The following ACVR1C variants were observed in gnomAD, a reference collection of about 807,000 sequenced individuals.
The protein encoded by ACVR1C is activin A receptor type 1C.
ACVR1C carries 23 observed loss-of-function variants against 57.9 expected under a neutral mutation model. The observed-to-expected ratio is 0.40, with a 90% CI of 0.29 to 0.56. The LOEUF (loss-of-function observed/expected upper bound fraction) is 0.56, where lower values mean the gene tolerates loss of function less well. Among genes scored for constraint, ACVR1C ranks in the 20% least tolerant of loss-of-function variants. ACVR1C has a pLI of 0.50. For synonymous variants in ACVR1C, 214 were observed against 215.3 expected (o/e 0.99, Z 0.05); for missense variants, 480 against 607.9 (o/e 0.79, Z 2.21).
chr2:157,576,980 C>G lies in ACVR1C; in HGVS notation c.304+10207G>C, dbSNP rs1157465444. On this transcript the variant is annotated intron_variant, in intron 2 of 8. Coordinates refer to ENST00000243349, the MANE Select transcript of ACVR1C (RefSeq NM_145259.3). Reference sequence around the variant, plus strand: ...CGCCATTCTCCTGCCTCAGCCTCCCCAGTAGCTGGGACTACAGGCGCCCGC... The same window carrying G: ...CGCCATTCTCCTGCCTCAGCCTCCCGAGTAGCTGGGACTACAGGCGCCCGC... Among the ~76,000 whole-genome samples, 41 of 96,762 alleles carry G rather than the reference C, an allele frequency of 4.2e-4. 9 individuals carry two copies. The highest frequency in any genetic ancestry group is 5.4e-4 in the Non-Finnish European group (25 of 46,152). 63.5% of individuals were successfully genotyped at this position (96,762 alleles called of 152,430 possible). A position where few individuals can be genotyped will look rare whatever the true frequency, so the allele number is the denominator to read the frequency against.
At chr2:157,548,000 G>A (rs143542569) in intron 4 of ACVR1C, among the ~76,000 whole-genome samples, 1,691 of 152,180 alleles carry the variant, frequency 0.011, 21 homozygotes, top group Non-Finnish European at 0.018. Flanking sequence ...TTTGTATAAG[G>A]TGTAAGGAAG....
chr2:157,628,479 G>C (rs1682953840), intron 1 of ACVR1C, 93 bp downstream of exon 1: 4 of 1,414,284 alleles, frequency 2.8e-6, no homozygotes, highest in Non-Finnish European at 3.9e-6. Flanking sequence ...CAGTTTGCTC[G>C]GAGCACCCCC....
intron 6 of ACVR1C, among the ~76,000 whole-genome samples, chr2:157,542,193 A>G (rs1223335715): frequency 6.6e-6 from 1 of 152,176 alleles, no homozygotes; most frequent in Non-Finnish European, 1.5e-5. Flanking sequence ...GGTAATACAT[A>G]AATTGTTATA....
rs1573931856 is a variant in ACVR1C at position 157,577,012 on chromosome 2, G to A, written c.304+10175C>T. ...TGGGACTACAGGCGCCCGCCACCGC[G>A]CCCGGCTAATTTTTTGTATTTTTTA... On this transcript the variant is annotated intron_variant, in intron 2 of 8. Coordinates refer to ENST00000243349, the MANE Select transcript of ACVR1C (RefSeq NM_145259.3). Among the ~76,000 whole-genome samples the A allele has an allele frequency of 3.2e-5, 3 of 95,064 alleles. No individual in the cohort carries two copies. The East Asian group carries it at 7.4e-4, about 23-fold the overall frequency. 62.4% of individuals were successfully genotyped at this position (95,064 alleles called of 152,430 possible).
chr2:157,625,354 C>A (rs1682872263), intron 1 of ACVR1C, among the ~76,000 whole-genome samples: 1 of 152,152 alleles, frequency 6.6e-6, no homozygotes, highest in African/African-American at 2.4e-5. Context: ...ATGAGTTTAG[C>A]AATTCAGAGG....
chr2:157,621,846 G>A (rs1682779757), intron 1 of ACVR1C, among the ~76,000 whole-genome samples: 1 of 152,164 alleles, frequency 6.6e-6, no homozygotes, highest in Non-Finnish European at 1.5e-5. Flanking sequence ...TCCAGGGTTC[G>A]GGTTTATCAC....
chr2:157,590,618 G>A (rs1282992721), intron 1 of ACVR1C, among the ~76,000 whole-genome samples: 1 of 151,796 alleles, frequency 6.6e-6, no homozygotes, highest in Admixed American at 6.6e-5. Context: ...TATTCTAGTG[G>A]TGACCAACAT....
intron 1 of ACVR1C, among the ~76,000 whole-genome samples, chr2:157,596,917 T>C (rs1573945132): frequency 6.6e-6 from 1 of 152,246 alleles, no homozygotes; most frequent in East Asian, 1.9e-4. Flanking sequence ...GACAGTGTGG[T>C]AAACTGAGTC....
intron 1 of ACVR1C, among the ~76,000 whole-genome samples, chr2:157,604,319 T>C (rs747588585): frequency 6.6e-6 from 1 of 152,062 alleles, no homozygotes; most frequent in Non-Finnish European, 1.5e-5. Flanking sequence ...TGATATTTTC[T>C]TTTCCTATAC....
intron 2 of ACVR1C, among the ~76,000 whole-genome samples, chr2:157,583,758 T>C (rs931987695): frequency 6.6e-6 from 1 of 152,038 alleles, no homozygotes. Flanking sequence ...CATAACTCAA[T>C]GAGTAAAGAA....
intron 2 of ACVR1C, among the ~76,000 whole-genome samples, chr2:157,565,448 C>T (rs1375239062): frequency 2.6e-5 from 4 of 152,122 alleles, no homozygotes; most frequent in Non-Finnish European, 2.9e-5. Flanking sequence ...CAAGTTAATT[C>T]GCTTAGATCC....
rs1687404430 is a variant in ACVR1C, at chr2:157,533,351, C to A, written c.*567G>T. The A allele has an allele frequency of 6.6e-6, 1 of 152,414 alleles. No homozygotes were observed. The highest frequency in any genetic ancestry group is 2.4e-5 in the African/African-American group (1 of 41,412). The allele number at this position is 152,414 out of a possible 1,614,324, so 9.4% of individuals were successfully genotyped here. On this transcript the variant is annotated 3_prime_UTR_variant, in exon 9 of 9. Coordinates refer to ENST00000243349, the MANE Select transcript of ACVR1C (RefSeq NM_145259.3). The stretch of plus-strand genomic sequence containing the variant: ...AACAGGAGAACAGCAGAAGGGGAGA[C>A]CAAGCACATGGGACACCCACCTCAC...
chr2:157,597,275 G>A (rs867129054), intron 1 of ACVR1C: 5 of 896,524 alleles, frequency 5.6e-6, no homozygotes, highest in Non-Finnish European at 6.7e-6. Context: ...CTGCCCTGAT[G>A]GAACTCCATT....
chr2:157,550,356 G>A lies in ACVR1C; in HGVS notation c.581C>T (p.Thr194Met), dbSNP rs758359984. Residue 194 changes from threonine (T) to methionine (M), a missense_variant, in exon 4 of 9, where the codon ACG (threonine) becomes ATG (methionine). Physicochemically the swap from Thr to Met is moderately conservative, Grantham distance 81. Coordinates refer to ENST00000243349, the MANE Select transcript of ACVR1C (RefSeq NM_145259.3). ...TCCTACTATTTCCTGAAGCACAATC[G>A]TCCTTGCAATTGTCCTTTGAACCAA... Reference protein sequence around the residue: ...PLLVQRTIARTIVLQEIVGKG... With the variant: ...PLLVQRTIARMIVLQEIVGKG... 29 of 1,613,972 alleles carry A rather than the reference G, an allele frequency of 1.8e-5. No individual in the cohort carries two copies. Among genetic ancestry groups the A allele is most frequent in the Non-Finnish European group, 2.2e-5 (26 of 1,179,996 alleles).
At chr2:157,575,317 G>C (rs1688618694) in intron 2 of ACVR1C, among the ~76,000 whole-genome samples, 1 of 152,080 alleles carries the variant, frequency 6.6e-6, no homozygotes, top group Non-Finnish European at 1.5e-5. Context: ...ATTTTTAGTA[G>C]ATACAGGGTT....
chr2:157,585,559 T>A (rs187536092), intron 2 of ACVR1C, among the ~76,000 whole-genome samples: 5 of 152,260 alleles, frequency 3.3e-5, no homozygotes, highest in Admixed American at 3.3e-4. Flanking sequence ...TCAAAGAATG[T>A]AGTCTTGAGG....
At chr2:157,612,905 ACT>A (rs1682564616) in intron 1 of ACVR1C, among the ~76,000 whole-genome samples, 1 of 152,044 alleles carries the variant, frequency 6.6e-6, no homozygotes, top group African/African-American at 2.4e-5. Flanking sequence ...TGACAGCAGA[ACT>A]CTCACAATTA....
intron 1 of ACVR1C, among the ~76,000 whole-genome samples, chr2:157,625,401 T>C (rs1294204929): frequency 6.6e-6 from 1 of 152,224 alleles, no homozygotes; most frequent in African/African-American, 2.4e-5. Flanking sequence ...GCCAGAGATG[T>C]CTTCCTTGGA....
intron 1 of ACVR1C, among the ~76,000 whole-genome samples, chr2:157,617,332 A>C (rs181625898): frequency 2.2e-4 from 34 of 152,218 alleles, no homozygotes; most frequent in African/African-American, 7.2e-4. Flanking sequence ...AGACAAATAC[A>C]TAAGTATAGC....
Sources: gnomAD v4.1 joint callset for allele counts (sites outside exome capture counted in the v4.1 genomes callset) on GRCh38, gnomAD v4.1.1 for gene constraint, MANE v1.5 for transcripts, NCBI Gene and HGNC (gene_info 2026-07-23, HGNC 2026-07-21) for gene names.